The following POLA1 variants were observed in gnomAD, a reference collection of about 807,000 sequenced individuals.
The protein encoded by POLA1 is DNA polymerase alpha 1, catalytic subunit.
In POLA1, 15 loss-of-function variants were observed where a neutral mutation model predicts 124.0. The ratio of observed to expected loss-of-function variants is 0.12; its 90% CI spans 0.08 to 0.19. The LOEUF (loss-of-function observed/expected upper bound fraction) is 0.19. POLA1 is among the 10% of genes least tolerant of loss of function. The pLI is 1.00. For missense variants in POLA1, 886 were observed against 1,103.4 expected, an observed-to-expected ratio of 0.80 and a Z score of 2.79; for synonymous variants, 408 against 389.4, an observed-to-expected ratio of 1.05 and a Z score of -0.56.
At chrX:24,952,144 G>C (rs972142859) in intron 36 of POLA1, among the ~76,000 whole-genome samples, 11 of 111,852 alleles carry the variant, frequency 9.8e-5, no homozygotes, top group Non-Finnish European at 1.9e-4. Flanking sequence ...ACTTCACATG[G>C]GGTCCACCCT....
intron 36 of POLA1, among the ~76,000 whole-genome samples, chrX:24,954,103 G>A (rs1418665252): frequency 4.5e-5 from 5 of 112,172 alleles, no homozygotes; most frequent in African/African-American, 1.6e-4. Flanking sequence ...ATTAGTTCCA[G>A]GAAGTGCACT....
At chrX:24,930,706 G>A (rs1466164243) in intron 36 of POLA1, among the ~76,000 whole-genome samples, 157 bp downstream of exon 36, 1 of 112,368 alleles carries the variant, frequency 8.9e-6, no homozygotes, top group African/African-American at 3.2e-5. Flanking sequence ...CTGCATGAGG[G>A]GCGGTGGCAT....
chrX:24,784,566 C>A (rs1048912375), intron 26 of POLA1, among the ~76,000 whole-genome samples: 4 of 110,022 alleles, frequency 3.6e-5, no homozygotes, highest in Non-Finnish European at 5.7e-5. Context: ...CACCTGTAGT[C>A]CCAGCCACTC....
intron 34 of POLA1, among the ~76,000 whole-genome samples, chrX:24,881,696 G>C (rs184718409): frequency 1.8e-5 from 2 of 111,800 alleles, no homozygotes; most frequent in East Asian, 5.6e-4. Flanking sequence ...AAGAGACAGT[G>C]CACCGCAGTG....
intron 10 of POLA1, among the ~76,000 whole-genome samples, chrX:24,720,545 TA>T (rs1930140143): frequency 8.9e-6 from 1 of 112,140 alleles, no homozygotes; most frequent in Non-Finnish European, 1.9e-5. Context: ...TAATGCCTTG[TA>T]GCTTTGTGGG....
rs764114661 is a variant in POLA1, at chrX:24,788,553, C to T, written c.2965-21345C>T. 1.3e-5 allele frequency: 16 copies of T among 1,193,583 alleles called. No homozygotes were observed. The East Asian group carries it at 4.4e-4, about 33-fold the overall frequency. On this transcript the variant is annotated intron_variant, in intron 26 of 36. Coordinates refer to ENST00000379068, the MANE Select transcript of POLA1 (RefSeq NM_001330360.2). ...CCCACTGGAACTAGTTTAGATGAGCCCCAGACTAAGCCGTCTGCTTGAATG... is the reference window on the plus strand; with the variant it reads ...CCCACTGGAACTAGTTTAGATGAGCTCCAGACTAAGCCGTCTGCTTGAATG...
At chrX:24,789,123 ACTT>A in intron 26 of POLA1, 1 of 1,096,017 alleles carries the variant, frequency 9.1e-7, no homozygotes, top group Non-Finnish European at 1.3e-6. Flanking sequence ...CACTTTTACT[ACTT>A]CTGTTCTACA....
chrX:24,770,830 G>T (rs189629402), intron 26 of POLA1, among the ~76,000 whole-genome samples: 2 of 110,338 alleles, frequency 1.8e-5, no homozygotes, highest in African/African-American at 6.6e-5. Flanking sequence ...TGTTTGCCAT[G>T]GGACAACAGA....
chrX:24,810,680 A>T, intron 27 of POLA1, 28 bp from the exon 28 acceptor site: 1 of 681,324 alleles, frequency 1.5e-6, no homozygotes, highest in Admixed American at 2.9e-5. Context: ...TGTTTTTGTT[A>T]ATTTTTATAA....
At position 24,693,930 on chromosome X, in the gene POLA1, C is replaced by CT; in HGVS notation, c.-31dup. ...TCTCGGCCCCCGCGCCAGTTTTGGG[C>CT]TGGTTGGCGCGGAATCGGGAGATTC... On this transcript the variant is annotated 5_prime_UTR_variant, in exon 1 of 37. Coordinates refer to ENST00000379068, the MANE Select transcript of POLA1 (RefSeq NM_001330360.2). The CT allele has an allele frequency of 8.5e-7, 1 of 1,180,280 alleles. No individual in the cohort carries two copies. Among genetic ancestry groups the CT allele is most frequent in the East Asian group, 3.1e-5 (1 of 31,873 alleles).
chrX:24,815,264 A>T (rs562312990), intron 30 of POLA1, among the ~76,000 whole-genome samples, 153 bp downstream of exon 30: 1 of 111,451 alleles, frequency 9.0e-6, no homozygotes, highest in Non-Finnish European at 1.9e-5. Flanking sequence ...GAGTATTAGC[A>T]TACCTCTTCC....
At chrX:24,768,582 G>C (rs2044957647) in intron 26 of POLA1, among the ~76,000 whole-genome samples, 2 of 112,136 alleles carry the variant, frequency 1.8e-5, no homozygotes, top group African/African-American at 6.5e-5. Flanking sequence ...GAAGCTAGCA[G>C]TTGTTTAAAA....
At chrX:24,931,355 G>T (rs1417633698) in intron 36 of POLA1, among the ~76,000 whole-genome samples, 2 of 111,576 alleles carry the variant, frequency 1.8e-5, no homozygotes, top group Non-Finnish European at 3.8e-5. Context: ...GGAAACAACC[G>T]CAATGACATT....
At chrX:24,985,003 T>TTG (rs993616469) in intron 36 of POLA1, among the ~76,000 whole-genome samples, 1 of 110,851 alleles carries the variant, frequency 9.0e-6, no homozygotes, top group Non-Finnish European at 1.9e-5. Flanking sequence ...AGTAGGAGTT[T>TTG]TGTGTGTGTG....
At chrX:24,730,104 T>C (rs1212441093) in intron 15 of POLA1, among the ~76,000 whole-genome samples, 1 of 110,320 alleles carries the variant, frequency 9.1e-6, no homozygotes, top group Non-Finnish European at 1.9e-5. Context: ...GCGTGATCTT[T>C]TAATAATAGT....
intron 26 of POLA1, chrX:24,788,438 T>A: frequency 8.3e-7 from 1 of 1,197,935 alleles, no homozygotes; most frequent in Non-Finnish European, 1.1e-6. Flanking sequence ...CACGTAGTCC[T>A]CAAAAGCAGT....
rs183589037 is a variant in POLA1, at chrX:24,984,527, C to T, written c.4262-11278C>T. Among the ~76,000 whole-genome samples the T allele has an allele frequency of 2.5e-3, 279 of 110,507 alleles. 1 individual carries two copies. Among genetic ancestry groups the T allele is most frequent in the African/African-American group, 8.9e-3 (271 of 30,298 alleles). ...CATGGCCTACCATCAACGTTTTACA[C>T]CGGAAAAAAAAAGTGTGTGTTTATT... is the stretch of plus-strand genomic sequence containing the variant. On this transcript the variant is annotated intron_variant, in intron 36 of 36. Coordinates refer to ENST00000379068, the MANE Select transcript of POLA1 (RefSeq NM_001330360.2).
intron 36 of POLA1, among the ~76,000 whole-genome samples, chrX:24,937,135 A>G (rs1237359256): frequency 8.9e-6 from 1 of 111,803 alleles, no homozygotes; most frequent in Non-Finnish European, 1.9e-5. Context: ...AGTTCAGAAC[A>G]TAGCTGTCTG....
chrX:24,810,626 G>A, intron 27 of POLA1, 82 bp from the exon 28 acceptor site: 1 of 443,087 alleles, frequency 2.3e-6, no homozygotes, highest in Non-Finnish European at 3.9e-6. Flanking sequence ...TGTAATTTCT[G>A]TAGTATGGAA....
Sources: allele counts gnomAD v4.1 joint callset (sites outside exome capture counted in the v4.1 genomes callset), GRCh38; gene constraint gnomAD v4.1.1; transcripts MANE v1.5; gene names NCBI Gene and HGNC (gene_info 2026-07-23, HGNC 2026-07-21).